The following UBE2Q2 variants were observed in gnomAD, a reference collection of about 807,000 sequenced individuals.
UBE2Q2 encodes the protein ubiquitin-conjugating enzyme E2 Q2.
Under a neutral mutation model 59.9 loss-of-function variants are expected in UBE2Q2, and 54 were observed. The ratio of observed to expected loss-of-function variants is 0.90; its 90% CI spans 0.72 to 1.13. The LOEUF (loss-of-function observed/expected upper bound fraction) is 1.13, where lower values mean the gene tolerates loss of function less well. UBE2Q2 is among the 50% of genes most tolerant of loss of function. The probability of loss-of-function intolerance (pLI) is 0.00; values close to 1 mark genes in which losing one functional copy is unlikely to be tolerated. For synonymous variants in UBE2Q2, 165 were observed against 155.2 expected (o/e 1.06, Z -0.47); for missense variants, 433 against 441.9 (o/e 0.98, Z 0.18).
At chr15:75,859,164 G>A (rs80051756) in intron 2 of UBE2Q2, among the ~76,000 whole-genome samples, 3 of 152,182 alleles carry the variant, frequency 2.0e-5, no homozygotes, top group Non-Finnish European at 4.4e-5. Flanking sequence ...AATATGCTTA[G>A]AAAACAATCT....
intron 12 of UBE2Q2, among the ~76,000 whole-genome samples, chr15:75,897,609 T>C (rs1899505856): frequency 6.6e-6 from 1 of 152,044 alleles, no homozygotes; most frequent in South Asian, 2.1e-4. Flanking sequence ...TTTTTTTTTT[T>C]TTTTAGTAGA....
chr15:75,877,548 T>C (rs1175921951), intron 6 of UBE2Q2, among the ~76,000 whole-genome samples: 1 of 152,072 alleles, frequency 6.6e-6, no homozygotes. Context: ...CACAGAGTCA[T>C]TAAAAAGATT....
intron 6 of UBE2Q2, among the ~76,000 whole-genome samples, chr15:75,877,132 G>T (rs1260614010): frequency 8.2e-6 from 1 of 122,166 alleles, no homozygotes; most frequent in Non-Finnish European, 1.6e-5. Context: ...CCGCACTCCA[G>T]CCTGGGCAGC....
rs1244220663 is a variant in UBE2Q2 at position 75,843,496 on chromosome 15, G to T, written c.-171G>T. 4 of 313,002 alleles carry T rather than the reference G, an allele frequency of 1.3e-5. No homozygotes were observed. Among genetic ancestry groups the T allele is most frequent in the Non-Finnish European group, 2.2e-5 (4 of 184,080 alleles). 19.4% of individuals were successfully genotyped at this position (313,002 alleles called of 1,614,324 possible). On this transcript the variant is annotated 5_prime_UTR_variant, in exon 1 of 13. Coordinates refer to ENST00000267938, the MANE Select transcript of UBE2Q2 (RefSeq NM_173469.4). ...GCCACCCAGGCCGCCACACGCCGAG[G>T]CTTCCGCGCCCCTCGCCATTTTCCA... is the stretch of plus-strand genomic sequence containing the variant.
intron 2 of UBE2Q2, among the ~76,000 whole-genome samples, chr15:75,854,776 TG>T (rs1256759805): frequency 6.6e-6 from 1 of 152,076 alleles, no homozygotes; most frequent in African/African-American, 2.4e-5. Context: ...CTAGCCAAGG[TG>T]GGAAGCAGAA....
In UBE2Q2 at chr15:75,876,191, C is replaced by T. The variant is rs771978087; in HGVS notation, c.593C>T (p.Ala198Val). 2 of 1,613,620 alleles carry T rather than the reference C, an allele frequency of 1.2e-6. No individual in the cohort carries two copies. The highest frequency in any genetic ancestry group is 1.1e-5 in the South Asian group (1 of 91,062). The part of the protein sequence containing the change: ...KTQRQDHLNG[A>V]VSGSVQASDR... The stretch of plus-strand genomic sequence containing the variant: ...ACAGTGGCTTTTGTGTTTCAGGGTG[C>T]AGTGTCTGGGTCAGTGCAAGCTTCA... The change falls in exon 6 of 13, where the codon GCA (alanine) becomes GTA (valine). Residue 198 changes from alanine to valine, a missense_variant. Coordinates refer to ENST00000267938, the MANE Select transcript of UBE2Q2 (RefSeq NM_173469.4).
At position 75,869,028 on chromosome 15, in the gene UBE2Q2, A is replaced by AAG; in HGVS notation, c.447+20_447+21dup. 1 of 1,598,418 alleles carries AAG rather than the reference A, an allele frequency of 6.3e-7. No individual in the cohort carries two copies. The highest frequency in any genetic ancestry group is 8.5e-7 in the Non-Finnish European group (1 of 1,169,764). ...TGGCTGAAGTAGGTATTTTATATAA[A>AAG]AGAAGAGTTCATAAATTTCTTCATT... is the stretch of plus-strand genomic sequence containing the variant. On this transcript the variant is annotated intron_variant, in intron 4 of 12. Coordinates refer to ENST00000267938, the MANE Select transcript of UBE2Q2 (RefSeq NM_173469.4).
chr15:75,879,696 A>G (rs1018011049), intron 8 of UBE2Q2, among the ~76,000 whole-genome samples: 7 of 152,222 alleles, frequency 4.6e-5, no homozygotes, highest in Non-Finnish European at 1.0e-4. Context: ...GGGCCACAGA[A>G]CATAAACAGA....
intron 2 of UBE2Q2, among the ~76,000 whole-genome samples, chr15:75,857,357 T>A (rs116523258): frequency 6.2e-4 from 95 of 152,040 alleles, no homozygotes; most frequent in African/African-American, 2.3e-3. Flanking sequence ...TACATAAACA[T>A]GTTCATAAGG....
intron 5 of UBE2Q2, among the ~76,000 whole-genome samples, chr15:75,874,485 TG>T (rs1897966570): frequency 6.6e-6 from 1 of 151,782 alleles, no homozygotes; most frequent in South Asian, 2.1e-4. Context: ...GGTTTCACCA[TG>T]TTGGCCAGGC....
rs954975429 is a variant in UBE2Q2, at chr15:75,843,573, G to C, written c.-94G>C. ...AGAGCGCGGCCCAGGCCGGCCCCGC[G>C]GGGCGGTCGCGGCCGTGACGGCGGC... is the stretch of plus-strand genomic sequence containing the variant. On this transcript the variant is annotated 5_prime_UTR_variant, in exon 1 of 13. Coordinates refer to ENST00000267938, the MANE Select transcript of UBE2Q2 (RefSeq NM_173469.4). The C allele has an allele frequency of 1.8e-6, 2 of 1,084,306 alleles. No homozygotes were observed. The highest frequency in any genetic ancestry group is 3.8e-5 in the East Asian group (1 of 26,088). The allele number at this position is 1,084,306 out of a possible 1,614,324, so 67.2% of individuals were successfully genotyped here. A position where few individuals can be genotyped will look rare whatever the true frequency, so the allele number is the denominator to read the frequency against.
intron 9 of UBE2Q2, among the ~76,000 whole-genome samples, chr15:75,886,078 C>T (rs534873041): frequency 2.0e-4 from 30 of 152,068 alleles, no homozygotes; most frequent in African/African-American, 3.9e-4. Flanking sequence ...ATATCTTTAA[C>T]GAAGCCTTTA....
chr15:75,898,405 T>C (rs1459598147), intron 12 of UBE2Q2, among the ~76,000 whole-genome samples: 1 of 152,264 alleles, frequency 6.6e-6, no homozygotes, highest in East Asian at 1.9e-4. Context: ...AAAATAGATA[T>C]TATACTTACT....
intron 3 of UBE2Q2, among the ~76,000 whole-genome samples, chr15:75,861,017 T>C (rs1243679589): frequency 1.3e-5 from 2 of 152,254 alleles, no homozygotes; most frequent in Non-Finnish European, 2.9e-5. Flanking sequence ...TGCTACTTAC[T>C]GGCTGTATGC....
intron 5 of UBE2Q2, among the ~76,000 whole-genome samples, chr15:75,875,810 C>G (rs1898042976): frequency 6.6e-6 from 1 of 151,756 alleles, no homozygotes; most frequent in Non-Finnish European, 1.5e-5. Flanking sequence ...GCCTGTAATC[C>G]CAGCACTTTG....
intron 8 of UBE2Q2, among the ~76,000 whole-genome samples, chr15:75,882,869 C>T (rs17427165): frequency 0.23 from 35,136 of 151,930 alleles, 4,913 homozygotes; most frequent in Non-Finnish European, 0.31. Flanking sequence ...CCTCGGTGGA[C>T]GCTGAGCTCC....
intron 9 of UBE2Q2, among the ~76,000 whole-genome samples, chr15:75,889,521 C>A (rs1898973440): frequency 6.6e-6 from 1 of 152,066 alleles, no homozygotes; most frequent in Non-Finnish European, 1.5e-5. Flanking sequence ...CTAGAGTGGT[C>A]TTGGCAAGTC....
chr15:75,844,478 T>G (rs1390006581), intron 1 of UBE2Q2: 5 of 1,551,336 alleles, frequency 3.2e-6, no homozygotes, highest in Middle Eastern at 1.7e-4. Flanking sequence ...GTACCGTCGT[T>G]GCGGCAGGTG....
intron 1 of UBE2Q2, among the ~76,000 whole-genome samples, 184 bp from the exon 2 acceptor site, chr15:75,854,202 T>C (rs1317292821): frequency 6.6e-6 from 1 of 152,182 alleles, no homozygotes; most frequent in African/African-American, 2.4e-5. Context: ...CAACAGACAG[T>C]GCTATGCAAG....
Sources: gnomAD v4.1 joint callset for allele counts (sites outside exome capture counted in the v4.1 genomes callset) on GRCh38, gnomAD v4.1.1 for gene constraint, MANE v1.5 for transcripts, NCBI Gene and HGNC (gene_info 2026-07-23, HGNC 2026-07-21) for gene names.